Variants in CNGA1 observed in about 807,000 individuals in gnomAD.
CNGA1 encodes cyclic nucleotide-gated channel alpha-1.
CNGA1 carries 53 observed loss-of-function variants against 69.7 expected under a neutral mutation model. That is an observed-to-expected ratio of 0.76 (90% CI 0.61 to 0.96). CNGA1 has a LOEUF of 0.96. Among genes scored for constraint, CNGA1 ranks in the 40% least tolerant of loss-of-function variants. The pLI, the probability that CNGA1 is intolerant of heterozygous loss-of-function variation, is 0.00. For missense variants in CNGA1, 739 were observed against 811.2 expected (o/e 0.91, Z 1.08); for synonymous variants, 249 against 283.5 (o/e 0.88, Z 1.22).
intron 3 of CNGA1, chr4:47,971,090 C>G (rs571945978): frequency 2.2e-6 from 1 of 446,112 alleles, no homozygotes; most frequent in Non-Finnish European, 4.5e-6. Flanking sequence ...GGGCGAAGAG[C>G]GAGACTCCAT....
chr4:47,996,227 C>T (rs1187017138), intron 2 of CNGA1, among the ~76,000 whole-genome samples: 1 of 152,182 alleles, frequency 6.6e-6, no homozygotes. Context: ...CATGATCCCT[C>T]CTCTTAGGGA....
chr4:47,998,107 T>A (rs1714471071), intron 2 of CNGA1, among the ~76,000 whole-genome samples: 1 of 152,030 alleles, frequency 6.6e-6, no homozygotes, highest in Middle Eastern at 3.4e-3. Flanking sequence ...GGGGGAAAAA[T>A]GAGTTGAACC....
intron 2 of CNGA1, among the ~76,000 whole-genome samples, chr4:48,001,868 A>G (rs1714677239): frequency 6.6e-6 from 1 of 152,182 alleles, no homozygotes; most frequent in Non-Finnish European, 1.5e-5. Context: ...TAAACTGATA[A>G]CCAATAACAG....
intron 3 of CNGA1, among the ~76,000 whole-genome samples, chr4:47,959,795 G>T (rs183049067): frequency 1.3e-5 from 2 of 151,968 alleles, no homozygotes; most frequent in African/African-American, 4.8e-5. Flanking sequence ...TAGTAGAGTC[G>T]GGGTTTCACC....
rs1344058174 is a variant in CNGA1, at chr4:48,016,607, C to G, written c.-347G>C. On this transcript the variant is annotated 5_prime_UTR_variant, in exon 1 of 11. Coordinates refer to ENST00000514170, the MANE Select transcript of CNGA1 (RefSeq NM_001379270.1). ...TACTCCTGCCAGATACACCAGTTATCACAGGCCGCTCCCAGGCCTGCGGGG... is the reference window on the plus strand; with the variant it reads ...TACTCCTGCCAGATACACCAGTTATGACAGGCCGCTCCCAGGCCTGCGGGG... 1.9e-6 allele frequency: 1 copy of G among 537,166 alleles called. No individual in the cohort carries two copies. Among genetic ancestry groups the G allele is most frequent in the African/African-American group, 2.0e-5 (1 of 49,052 alleles). 33.3% of individuals were successfully genotyped at this position (537,166 alleles called of 1,614,324 possible). A position where few individuals can be genotyped will look rare whatever the true frequency, so the allele number is the denominator to read the frequency against.
At chr4:47,941,782 T>G (rs1739090497) in intron 9 of CNGA1, among the ~76,000 whole-genome samples, 1 of 151,868 alleles carries the variant, frequency 6.6e-6, no homozygotes, top group African/African-American at 2.4e-5. Context: ...CAAATAAAAG[T>G]TAAAAAAATT....
chr4:47,985,602 G>A (rs1313941315), intron 2 of CNGA1, among the ~76,000 whole-genome samples: 1 of 152,052 alleles, frequency 6.6e-6, no homozygotes, highest in Non-Finnish European at 1.5e-5. Flanking sequence ...AAACTTCATA[G>A]AACTTGTCAT....
chr4:47,971,891 G>A (rs1741063554), intron 3 of CNGA1, among the ~76,000 whole-genome samples: 1 of 133,368 alleles, frequency 7.5e-6, no homozygotes, highest in African/African-American at 2.9e-5. Flanking sequence ...AAGACTCTCT[G>A]AAAAACAAAC....
At chr4:47,950,423 CTT>C (rs1578075783) in intron 5 of CNGA1, among the ~76,000 whole-genome samples, 4 of 152,202 alleles carry the variant, frequency 2.6e-5, no homozygotes, top group Admixed American at 2.6e-4. Flanking sequence ...CAGTAAGCCT[CTT>C]TTTCTTTATA....
Position 47,951,412 on chromosome 4 carries a change from G to A in CNGA1, c.165C>T (p.Asn55=), listed in dbSNP as rs762187089. The change falls in exon 5 of 11, where the codon AAC becomes AAT. Residue 55 remains asparagine (N), a synonymous_variant. Coordinates refer to ENST00000514170, the MANE Select transcript of CNGA1 (RefSeq NM_001379270.1). ...AACTAAAGGAACCCCTTGCATGAGGGTTTTCATTCTCTGATTCTTCAGATG... is the reference window on the plus strand; with the variant it reads ...AACTAAAGGAACCCCTTGCATGAGGATTTTCATTCTCTGATTCTTCAGATG... ...ASTSEESENE[N]PHARGSFSYK... 1 of 1,613,768 alleles carries A rather than the reference G, an allele frequency of 6.2e-7. No homozygotes were observed. The highest frequency in any genetic ancestry group is 1.7e-5 in the Admixed American group (1 of 59,996).
At chr4:48,000,541 T>C (rs749173153) in intron 2 of CNGA1, among the ~76,000 whole-genome samples, 15 of 152,184 alleles carry the variant, frequency 9.9e-5, no homozygotes, top group Non-Finnish European at 1.8e-4. Flanking sequence ...GCTAATTTTG[T>C]ATTTTTAGTA....
intron 3 of CNGA1, among the ~76,000 whole-genome samples, chr4:47,969,471 C>T (rs568659709): frequency 3.2e-4 from 49 of 151,886 alleles, no homozygotes; most frequent in African/African-American, 5.1e-4. Flanking sequence ...TTTGTTTTTT[C>T]GTTTTTTTGT....
At chr4:47,983,281 C>A (rs56342520) in intron 2 of CNGA1, among the ~76,000 whole-genome samples, 124,058 of 152,158 alleles carry the variant, frequency 0.82, 51,082 homozygotes, top group Non-Finnish European at 0.88. Flanking sequence ...TCTAGACTAC[C>A]TAATCTGCTT....
At chr4:48,016,311 C>T (rs321632) in intron 1 of CNGA1, among the ~76,000 whole-genome samples, 172 bp downstream of exon 1, 31,793 of 151,976 alleles carry the variant, frequency 0.21, 3,386 homozygotes, top group Middle Eastern at 0.25. Flanking sequence ...TAAACTTGAG[C>T]CTGGCAATCG....
At chr4:47,938,917 A>G (rs1738866749) in intron 10 of CNGA1, among the ~76,000 whole-genome samples, 1 of 151,608 alleles carries the variant, frequency 6.6e-6, no homozygotes, top group African/African-American at 2.4e-5. Flanking sequence ...AAAGAAAAAA[A>G]GAAAGAAAGA....
At chr4:47,958,177 G>A (rs965427851) in intron 3 of CNGA1, among the ~76,000 whole-genome samples, 2 of 151,914 alleles carry the variant, frequency 1.3e-5, no homozygotes, top group South Asian at 4.2e-4. Context: ...GTGAGCCACC[G>A]TGCCTGGCCA....
intron 2 of CNGA1, among the ~76,000 whole-genome samples, chr4:48,003,836 A>G (rs901191108): frequency 2.6e-5 from 4 of 152,160 alleles, no homozygotes; most frequent in Non-Finnish European, 4.4e-5. Flanking sequence ...ACCGTGGTCT[A>G]GTGGTAGCAT....
At chr4:47,977,862 T>A (rs928085990) in intron 3 of CNGA1, among the ~76,000 whole-genome samples, 3 of 152,168 alleles carry the variant, frequency 2.0e-5, no homozygotes, top group African/African-American at 7.2e-5. Context: ...GTTTCATTCT[T>A]GTTGCCCAGG....
At chr4:48,015,524 G>A (rs1298693024) in intron 1 of CNGA1, among the ~76,000 whole-genome samples, 1 of 152,162 alleles carries the variant, frequency 6.6e-6, no homozygotes, top group Non-Finnish European at 1.5e-5. Context: ...ATTTTCCTCA[G>A]TGTTAAAATG....
Sources: allele counts gnomAD v4.1 joint callset (sites outside exome capture counted in the v4.1 genomes callset), GRCh38; gene constraint gnomAD v4.1.1; transcripts MANE v1.5; gene names NCBI Gene and HGNC (gene_info 2026-07-23, HGNC 2026-07-21).